The following AMPD3 variants were observed in gnomAD, a reference collection of about 807,000 sequenced individuals.
The protein encoded by AMPD3 is adenosine monophosphate deaminase 3.
In AMPD3, 57 loss-of-function variants were observed where a neutral mutation model predicts 82.3. The ratio of observed to expected loss-of-function variants is 0.69; its 90% confidence interval spans 0.56 to 0.86. AMPD3 has a LOEUF of 0.86. AMPD3 is among the 40% of genes least tolerant of loss of function. AMPD3 has a pLI of 0.00. For synonymous variants in AMPD3, 381 were observed against 394.7 expected, an observed-to-expected ratio of 0.97 and a Z score of 0.41; for missense variants, 870 against 1,003.8, an observed-to-expected ratio of 0.87 and a Z score of 1.80.
At chr11:10,460,839 G>T in intron 1 of AMPD3, 1 of 961,052 alleles carries the variant, frequency 1.0e-6, no homozygotes, top group Non-Finnish European at 1.2e-6. Context: ...CTGTTAGTAA[G>T]GAATCAGTAT....
At chr11:10,484,400 A>G in intron 4 of AMPD3, 1 of 985,262 alleles carries the variant, frequency 1.0e-6, no homozygotes, top group Non-Finnish European at 1.2e-6. Flanking sequence ...GTCCAGGTGC[A>G]ATCTGTTTTT....
upstream of AMPD3, among the ~76,000 whole-genome samples, chr11:10,454,551 A>G (rs1038267461): frequency 1.3e-5 from 2 of 152,232 alleles, no homozygotes; most frequent in African/African-American, 4.8e-5. Flanking sequence ...GAAACTGTGC[A>G]TGAATACCCA....
chr11:10,504,250 C>CCA, intron 13 of AMPD3: 1 of 984,598 alleles, frequency 1.0e-6, no homozygotes, highest in Non-Finnish European at 1.2e-6. Context: ...GACTAGAGGG[C>CCA]TTGTCACAGG....
intron 14 of AMPD3, 44 bp from the exon 15 acceptor site, chr11:10,505,664 A>G (rs571244641): frequency 6.2e-7 from 1 of 1,605,506 alleles, no homozygotes; most frequent in South Asian, 1.1e-5. Context: ...ATAGAAAGTG[A>G]ATCAAAAGTA....
At chr11:10,490,921 A>G (rs1186408011) in intron 6 of AMPD3, among the ~76,000 whole-genome samples, 6 of 152,262 alleles carry the variant, frequency 3.9e-5, no homozygotes, top group South Asian at 2.1e-4. Flanking sequence ...CCCAGTGTCC[A>G]GTGGTCTGTC....
chr11:10,457,535 G>A (rs148266039), intron 1 of AMPD3, among the ~76,000 whole-genome samples: 1 of 152,278 alleles, frequency 6.6e-6, no homozygotes, highest in Non-Finnish European at 1.5e-5. Flanking sequence ...TTAAGCTAAA[G>A]AGAAAGGAAG....
chr11:10,498,182 G>T (rs1313993340), intron 10 of AMPD3, among the ~76,000 whole-genome samples: 1 of 152,218 alleles, frequency 6.6e-6, no homozygotes, highest in Non-Finnish European at 1.5e-5. Context: ...GTGTGGCAGC[G>T]CAGGGACTCT....
intron 12 of AMPD3, chr11:10,502,369 C>T: frequency 3.0e-6 from 3 of 985,470 alleles, no homozygotes; most frequent in Non-Finnish European, 3.6e-6. Flanking sequence ...AGGGGGGCAT[C>T]TTCTAGACTG....
At chr11:10,497,925 C>T (rs973447704) in intron 10 of AMPD3, among the ~76,000 whole-genome samples, 1 of 152,294 alleles carries the variant, frequency 6.6e-6, no homozygotes, top group East Asian at 1.9e-4. Flanking sequence ...GTGCTTGGTG[C>T]GTGTTGGACA....
rs3741041 is a variant in AMPD3, at chr11:10,500,217, T to C, written c.1689T>C (p.Tyr563=). 643,043 of 1,613,926 alleles carry C rather than the reference T, an allele frequency of 0.4. 133,709 individuals are homozygous for C. Among genetic ancestry groups the C allele is most frequent in the East Asian group, 0.63 (28,333 of 44,866 alleles). The change falls in exon 11 of 15, where the codon TAT becomes TAC. Residue 563 remains tyrosine (Y), a synonymous_variant. Transcript: ENST00000396553. Reference sequence around the variant, plus strand: ...ACAGCTACTACCTGTACTACATGTATGCCAACATCATGGTGCTCAACAACC... The same window carrying C: ...ACAGCTACTACCTGTACTACATGTACGCCAACATCATGGTGCTCAACAACC... ...PPYSYYLYYM[Y]ANIMVLNNLR... is the part of the protein sequence containing the mutation.
intron 4 of AMPD3, among the ~76,000 whole-genome samples, chr11:10,483,830 C>A (rs1162478795): frequency 6.6e-6 from 1 of 152,232 alleles, no homozygotes; most frequent in Non-Finnish European, 1.5e-5. Context: ...TCTGCCTTGG[C>A]AGCTTCCTTT....
At chr11:10,453,819 C>A (rs541031152), upstream of AMPD3, among the ~76,000 whole-genome samples, 39 of 152,108 alleles carry the variant, frequency 2.6e-4, no homozygotes, top group Non-Finnish European at 5.0e-4. Flanking sequence ...AATCTCCTGA[C>A]CTTGTGATCC....
chr11:10,490,548 C>A (rs1180711088), intron 6 of AMPD3: 1 of 985,246 alleles, frequency 1.0e-6, no homozygotes, highest in Non-Finnish European at 1.2e-6. Context: ...CACTTGGATC[C>A]TCTGGTGAAC....
chr11:10,468,870 A>C (rs1013468674), intron 2 of AMPD3, among the ~76,000 whole-genome samples: 1 of 152,238 alleles, frequency 6.6e-6, no homozygotes, highest in African/African-American at 2.4e-5. Flanking sequence ...ATGGAAACTG[A>C]AAAATCTGCT....
intron 2 of AMPD3, among the ~76,000 whole-genome samples, chr11:10,463,989 T>G (rs1848345379): frequency 6.6e-6 from 1 of 152,198 alleles, no homozygotes; most frequent in African/African-American, 2.4e-5. Flanking sequence ...CTCTGTGTTC[T>G]GCCACTCACT....
chr11:10,497,007 G>A, intron 10 of AMPD3, 69 bp downstream of exon 10: 4 of 1,583,410 alleles, frequency 2.5e-6, no homozygotes, highest in East Asian at 2.2e-5. Context: ...CTGTGAGCTG[G>A]GTCAGGCTTG....
chr11:10,460,586 T>G (rs1052351786), intron 1 of AMPD3, among the ~76,000 whole-genome samples: 1 of 151,956 alleles, frequency 6.6e-6, no homozygotes, highest in Non-Finnish European at 1.5e-5. Context: ...TTTTTGTATT[T>G]TTAGTAGAGA....
intron 2 of AMPD3, among the ~76,000 whole-genome samples, chr11:10,474,886 G>T (rs1321947930): frequency 6.6e-6 from 1 of 152,162 alleles, no homozygotes; most frequent in East Asian, 1.9e-4. Flanking sequence ...GCTAGTGCAA[G>T]GTGCAGCAGG....
intron 2 of AMPD3, among the ~76,000 whole-genome samples, chr11:10,472,092 C>T (rs1848609000): frequency 6.6e-6 from 1 of 152,190 alleles, no homozygotes; most frequent in Non-Finnish European, 1.5e-5. Flanking sequence ...GGCACATATA[C>T]ACCATGGAAT....
Sources: gnomAD v4.1 joint callset for allele counts (sites outside exome capture counted in the v4.1 genomes callset) on GRCh38, gnomAD v4.1.1 for gene constraint, MANE v1.5 for transcripts, NCBI Gene and HGNC (gene_info 2026-07-23, HGNC 2026-07-21) for gene names.